The following PAK6 variants were observed in gnomAD, a reference collection of about 807,000 sequenced individuals.
PAK6 encodes serine/threonine-protein kinase PAK 6.
In PAK6, 33 loss-of-function variants were observed where a neutral mutation model predicts 60.8. The ratio of observed to expected loss-of-function variants is 0.54; its 90% CI spans 0.41 to 0.73. The LOEUF is 0.73. PAK6 is among the 30% of genes least tolerant of loss of function. The pLI is 0.00. For missense variants in PAK6, 845 were observed against 904.1 expected (o/e 0.93, Z 0.84); for synonymous variants, 404 against 378.5 (o/e 1.07, Z -0.78).
At chr15:40,245,802 A>C (rs1413281385) in intron 2 of PAK6, 2 of 152,302 alleles carry the variant, frequency 1.3e-5, no homozygotes, top group Non-Finnish European at 2.9e-5. Flanking sequence ...CCTGCCCAGC[A>C]CTCTTGCTAC....
chr15:40,259,857 GAAAA>G (rs35563178), intron 3 of PAK6: 2 of 146,614 alleles, frequency 1.4e-5, no homozygotes, highest in African/African-American at 2.5e-5. Context: ...GGAAAACTTA[GAAAA>G]AGAGTAGAAA....
exon 10 of PAK6, chr15:40,274,162 C>T (rs149385124): frequency 7.4e-5 from 119 of 1,613,938 alleles, no homozygotes; most frequent in Non-Finnish European, 9.8e-5. Flanking sequence ...GGTCTCTGGG[C>T]ATCATGGTGA....
At chr15:40,256,239 T>C (rs2038831205) in intron 3 of PAK6, among the ~76,000 whole-genome samples, 1 of 152,206 alleles carries the variant, frequency 6.6e-6, no homozygotes, top group African/African-American at 2.4e-5. Context: ...AAAAAATTTT[T>C]TTTTTGAAAC....
intron 9 of PAK6, 91 bp from the exon 10 acceptor site, chr15:40,274,051 G>A: frequency 6.8e-7 from 1 of 1,476,390 alleles, no homozygotes; most frequent in South Asian, 1.2e-5. Flanking sequence ...GCTGGGGCCA[G>A]CTGTCCCCCC....
chr15:40,252,943 G>T lies in PAK6; in HGVS notation c.-117-235G>T, dbSNP rs2038727789. The T allele has an allele frequency of 6.3e-6, 6 of 955,638 alleles. No homozygotes were observed. The Admixed American group carries it at 2.4e-4, about 38-fold the overall frequency. 59.2% of individuals were successfully genotyped at this position (955,638 alleles called of 1,614,324 possible). A position where few individuals can be genotyped will look rare whatever the true frequency, so the allele number is the denominator to read the frequency against. On this transcript the variant is annotated intron_variant, in intron 2 of 10. Coordinates refer to ENST00000560346, the Ensembl canonical transcript of PAK6. The stretch of plus-strand genomic sequence containing the variant: ...GCCTGCGAGCTGGGGCCGGGTGGCC[G>T]CGCCGGGTCGGAGTGTGGCTGGAGA...
intron 9 of PAK6, 51 bp from the exon 10 acceptor site, chr15:40,274,091 A>G: frequency 6.2e-7 from 1 of 1,608,350 alleles, no homozygotes; most frequent in Non-Finnish European, 8.5e-7. Context: ...GAACGCAGCT[A>G]CCAATGGGCC....
At chr15:40,254,573 C>G (rs998790746) in intron 3 of PAK6, among the ~76,000 whole-genome samples, 5 of 152,116 alleles carry the variant, frequency 3.3e-5, no homozygotes, top group African/African-American at 1.2e-4. Flanking sequence ...CAACTGTTGC[C>G]TGGGATAGAG....
exon 8 of PAK6, chr15:40,273,397 G>GGCCTAC: frequency 6.2e-7 from 1 of 1,613,918 alleles, no homozygotes; most frequent in Non-Finnish European, 8.5e-7. Flanking sequence ...TGCAGGCCCT[G>GGCCTAC]GCCTACCTGC....
chr15:40,253,972 C>T (rs767293468), intron 3 of PAK6, among the ~76,000 whole-genome samples: 2 of 152,024 alleles, frequency 1.3e-5, no homozygotes, highest in African/African-American at 2.4e-5. Context: ...TTTTGGTGGC[C>T]GGTGTGGCAT....
In PAK6 at chr15:40,252,845, G is replaced by A. The variant is rs767369014; in HGVS notation, c.-117-333G>A. 5 of 1,277,370 alleles carry A rather than the reference G, an allele frequency of 3.9e-6. No individual in the cohort carries two copies. In the South Asian group the frequency reaches 5.0e-5, roughly 13 times the overall value. The allele number at this position is 1,277,370 out of a possible 1,614,324, so 79.1% of individuals were successfully genotyped here. On this transcript the variant is annotated intron_variant, in intron 2 of 10. Coordinates refer to ENST00000560346, the Ensembl canonical transcript of PAK6. The stretch of plus-strand genomic sequence containing the variant: ...CAGGCATCTGGAGCTCCGCGTCCCT[G>A]GAGCGGGACCTCCCTCCGCGGGCGC...
Position 40,264,778 on chromosome 15 carries a change from C to T in PAK6, c.-5-3C>T. 1.2e-6 allele frequency: 2 copies of T among 1,611,086 alleles called. No homozygotes were observed. The highest frequency in any genetic ancestry group is 1.7e-6 in the Non-Finnish European group (2 of 1,177,648). On this transcript the variant is annotated splice_polypyrimidine_tract_variant and splice_region_variant and intron_variant, in intron 3 of 10. Transcript: ENST00000560346. ...GGAGCTCAACCTTACTCTGCACTTA[C>T]AGGCACCATGTTCCGCAAGAAAAAG...
chr15:40,273,845 G>C lies in PAK6; in HGVS notation c.1743+169G>C, dbSNP rs2039377682. ...GGGGCTGCTCTTACCCAGTGACTTT[G>C]CTGCCAGGAACGAGTCCTGCAAGTG... On this transcript the variant is annotated intron_variant, in intron 9 of 10. Coordinates refer to ENST00000560346, the Ensembl canonical transcript of PAK6. 3.5e-6 allele frequency: 3 copies of C among 847,692 alleles called. No individual in the cohort carries two copies. The South Asian group carries it at 5.2e-5, about 15-fold the overall frequency. 52.5% of individuals were successfully genotyped at this position (847,692 alleles called of 1,614,324 possible). A position where few individuals can be genotyped will look rare whatever the true frequency, so the allele number is the denominator to read the frequency against.
exon 9 of PAK6, chr15:40,273,595 C>T (rs201198106): frequency 4.2e-5 from 68 of 1,614,040 alleles, no homozygotes; most frequent in South Asian, 1.5e-4. Context: ...TCAGCAAAGA[C>T]GTCCCTAAGA....
intron 2 of PAK6, among the ~76,000 whole-genome samples, chr15:40,243,239 A>G (rs2038405183): frequency 6.6e-6 from 1 of 152,244 alleles, no homozygotes; most frequent in African/African-American, 2.4e-5. Context: ...AGCAGCTTCT[A>G]TCTGCAGTTG....
chr15:40,272,522 C>G, exon 6 of PAK6: 1 of 1,613,836 alleles, frequency 6.2e-7, no homozygotes, highest in East Asian at 2.2e-5. Flanking sequence ...GGTGTTGTGA[C>G]ACATGAGCAG....
exon 5 of PAK6, chr15:40,265,853 G>A (rs1263172195): frequency 6.5e-6 from 10 of 1,540,018 alleles, no homozygotes; most frequent in Non-Finnish European, 7.9e-6. Context: ...CAGTGGTGCG[G>A]GGCAGCGCGA....
chr15:40,253,493 G>A (rs1311321380), intron 3 of PAK6, among the ~76,000 whole-genome samples: 1 of 152,244 alleles, frequency 6.6e-6, no homozygotes, highest in Non-Finnish European at 1.5e-5. Flanking sequence ...TTGCCCCATG[G>A]CCCCACGGTA....
chr15:40,274,618 C>T (rs1006794251), intron 10 of PAK6, among the ~76,000 whole-genome samples: 1 of 152,194 alleles, frequency 6.6e-6, no homozygotes, highest in African/African-American at 2.4e-5. Context: ...GGGAGGGATC[C>T]GGAGAAGCTT....
At chr15:40,274,793 T>C (rs910904881) in intron 10 of PAK6, among the ~76,000 whole-genome samples, 2 of 152,198 alleles carry the variant, frequency 1.3e-5, no homozygotes, top group African/African-American at 2.4e-5. Context: ...AGTGTATACA[T>C]GTAACCCTTT....
Sources: gnomAD v4.1 joint callset for allele counts (sites outside exome capture counted in the v4.1 genomes callset) on GRCh38, gnomAD v4.1.1 for gene constraint, MANE v1.5 for transcripts, NCBI Gene and HGNC (gene_info 2026-07-23, HGNC 2026-07-21) for gene names.